NELL1: variants seen among roughly 807,000 people sequenced by gnomAD.
NELL1 encodes protein kinase C-binding protein NELL1.
NELL1 carries 76 observed loss-of-function variants against 107.4 expected under a neutral mutation model. That is an observed-to-expected ratio of 0.71 (90% CI 0.59 to 0.86). The LOEUF is 0.86. Among genes scored for constraint, NELL1 ranks in the 40% least tolerant of loss-of-function variants. The probability of loss-of-function intolerance (pLI) is 0.00; values close to 1 mark genes in which losing one functional copy is unlikely to be tolerated. For synonymous variants in NELL1, 353 were observed against 341.2 expected (o/e 1.03, Z -0.38); for missense variants, 1,024 against 1,005.5 (o/e 1.02, Z -0.25).
At chr11:21,300,929 T>G (rs1158422948) in intron 14 of NELL1, among the ~76,000 whole-genome samples, 17 of 152,072 alleles carry the variant, frequency 1.1e-4, no homozygotes. Context: ...CAATGTGTGA[T>G]GTTCCCCATC....
At chr11:21,207,167 C>T (rs1212721387) in intron 13 of NELL1, among the ~76,000 whole-genome samples, 1 of 152,202 alleles carries the variant, frequency 6.6e-6, no homozygotes, top group Non-Finnish European at 1.5e-5. Flanking sequence ...CTCTCTGGAA[C>T]AAAACTAAGA....
chr11:21,326,070 T>TGG (rs1850128537), intron 14 of NELL1, among the ~76,000 whole-genome samples: 2 of 100,454 alleles, frequency 2.0e-5, no homozygotes, highest in Non-Finnish European at 3.9e-5. Flanking sequence ...TTTTTTTTTT[T>TGG]TTTTTTTTTT....
chr11:21,457,641 G>T (rs542679150), intron 15 of NELL1, among the ~76,000 whole-genome samples: 1 of 152,120 alleles, frequency 6.6e-6, no homozygotes, highest in South Asian at 2.1e-4. Context: ...GAAATCCAGT[G>T]GACATTTTAC....
At chr11:21,224,393 A>AT (rs36044630) in intron 13 of NELL1, among the ~76,000 whole-genome samples, 56,264 of 144,024 alleles carry the variant, frequency 0.39, 11,152 homozygotes, top group East Asian at 0.67. Context: ...CCATACCCAG[A>AT]TTTTTTTTTT....
intron 2 of NELL1, among the ~76,000 whole-genome samples, chr11:20,737,230 T>C (rs914341268): frequency 1.3e-5 from 2 of 152,134 alleles, no homozygotes; most frequent in Admixed American, 6.5e-5. Flanking sequence ...TTGTTATTGT[T>C]ATTCTCCTTT....
chr11:21,229,535 T>A, intron 14 of NELL1, 81 bp downstream of exon 14: 1 of 1,575,946 alleles, frequency 6.3e-7, no homozygotes, highest in Non-Finnish European at 8.7e-7. Flanking sequence ...ACCTTCTTGG[T>A]AACTCTTGGT....
chr11:21,075,510 G>A (rs918868282), intron 12 of NELL1, among the ~76,000 whole-genome samples: 1 of 152,100 alleles, frequency 6.6e-6, no homozygotes, highest in Non-Finnish European at 1.5e-5. Context: ...CTGTCACCCA[G>A]GCTGGAGTGC....
At chr11:20,818,221 T>C (rs979159553) in intron 3 of NELL1, among the ~76,000 whole-genome samples, 1 of 152,218 alleles carries the variant, frequency 6.6e-6, no homozygotes, top group Non-Finnish European at 1.5e-5. Flanking sequence ...TCTAAGTCTT[T>C]TTGTAGCTCT....
intron 12 of NELL1, among the ~76,000 whole-genome samples, chr11:20,977,565 G>A (rs959444155): frequency 1.3e-5 from 2 of 152,148 alleles, no homozygotes; most frequent in African/African-American, 2.4e-5. Context: ...CACCCGGCTG[G>A]CAAATTAAAT....
intron 15 of NELL1, among the ~76,000 whole-genome samples, chr11:21,430,916 T>G (rs1313921623): frequency 2.6e-5 from 4 of 152,184 alleles, no homozygotes; most frequent in African/African-American, 9.6e-5. Flanking sequence ...TTTTCATTTC[T>G]GTATTCTTTA....
intron 2 of NELL1, among the ~76,000 whole-genome samples, chr11:20,779,083 T>C (rs1004479281): frequency 2.0e-5 from 3 of 152,200 alleles, no homozygotes; most frequent in East Asian, 1.9e-4. Context: ...ATGCTTCCTC[T>C]ATTGGAAATA....
intron 13 of NELL1, among the ~76,000 whole-genome samples, chr11:21,177,312 C>G (rs981176378): frequency 4.6e-5 from 7 of 151,748 alleles, no homozygotes; most frequent in African/African-American, 1.7e-4. Flanking sequence ...CTCCCTACAT[C>G]TATGAGTTTG....
At chr11:21,157,702 A>G (rs1019419754) in intron 13 of NELL1, among the ~76,000 whole-genome samples, 1 of 152,196 alleles carries the variant, frequency 6.6e-6, no homozygotes, top group African/African-American at 2.4e-5. Flanking sequence ...TTTAGAACAT[A>G]AACTCTGGAG....
intron 4 of NELL1, among the ~76,000 whole-genome samples, chr11:20,872,516 T>C (rs887261291): frequency 6.6e-5 from 10 of 152,140 alleles, no homozygotes; most frequent in Non-Finnish European, 1.2e-4. Context: ...GAGGGGCTTA[T>C]GAATTTGTAT....
intron 3 of NELL1, among the ~76,000 whole-genome samples, chr11:20,846,414 G>T (rs918330955): frequency 6.6e-6 from 1 of 152,154 alleles, no homozygotes; most frequent in African/African-American, 2.4e-5. Context: ...GGCTTGTGGG[G>T]TTAGCCAGCT....
chr11:21,185,360 T>C (rs1670624), intron 13 of NELL1, among the ~76,000 whole-genome samples: 86,880 of 145,660 alleles, frequency 0.6, 28,974 homozygotes, highest in Non-Finnish European at 0.74. Flanking sequence ...TAGTGGTGCA[T>C]CTCAGCTCAC....
intron 13 of NELL1, among the ~76,000 whole-genome samples, chr11:21,212,521 C>G (rs970945122): frequency 6.6e-6 from 1 of 152,128 alleles, no homozygotes; most frequent in African/African-American, 2.4e-5. Flanking sequence ...TAAAAAACTG[C>G]TTAGTAGAAG....
chr11:20,857,535 C>A (rs1274145112), intron 4 of NELL1, among the ~76,000 whole-genome samples: 2 of 152,216 alleles, frequency 1.3e-5, no homozygotes, highest in Non-Finnish European at 2.9e-5. Flanking sequence ...ATGTGAGAGG[C>A]AGTGGGCAGG....
intron 3 of NELL1, among the ~76,000 whole-genome samples, chr11:20,787,879 G>A (rs1856999818): frequency 6.6e-6 from 1 of 152,138 alleles, no homozygotes; most frequent in African/African-American, 2.4e-5. Context: ...AAGCTCCCAA[G>A]CCTTAGGCAA....
Sources: allele counts gnomAD v4.1 joint callset (sites outside exome capture counted in the v4.1 genomes callset), GRCh38; gene constraint gnomAD v4.1.1; transcripts MANE v1.5; gene names NCBI Gene and HGNC (gene_info 2026-07-23, HGNC 2026-07-21).